The following GRIA1 variants were observed in gnomAD, a reference collection of about 807,000 sequenced individuals.
GRIA1 encodes glutamate ionotropic receptor AMPA type subunit 1, also known as glutamate receptor 1.
Under a neutral mutation model 99.2 loss-of-function variants are expected in GRIA1, and 31 were observed. The observed-to-expected ratio is 0.31, with a 90% CI of 0.23 to 0.42. GRIA1 has a LOEUF of 0.42. GRIA1 is among the 10% of genes least tolerant of loss of function. The probability of loss-of-function intolerance (pLI) is 1.00; values close to 1 mark genes in which losing one functional copy is unlikely to be tolerated. For missense variants in GRIA1, 782 were observed against 1,157.5 expected, an observed-to-expected ratio of 0.68 and a Z score of 4.71; for synonymous variants, 438 against 432.4, an observed-to-expected ratio of 1.01 and a Z score of -0.16.
At chr5:153,782,176 G>C (rs1307499310) in intron 13 of GRIA1, among the ~76,000 whole-genome samples, 1 of 152,166 alleles carries the variant, frequency 6.6e-6, no homozygotes, top group Non-Finnish European at 1.5e-5. Flanking sequence ...ACCCAATGAA[G>C]TAGGTACTAT....
intron 2 of GRIA1, among the ~76,000 whole-genome samples, chr5:153,606,843 A>C (rs1036483260): frequency 2.0e-5 from 3 of 151,496 alleles, no homozygotes; most frequent in African/African-American, 7.3e-5. Context: ...CAACTTGACC[A>C]TAATATCTCC....
chr5:153,543,195 T>TAATGGTGGCAATGTTGG (rs1759295113), intron 2 of GRIA1, among the ~76,000 whole-genome samples: 1 of 151,924 alleles, frequency 6.6e-6, no homozygotes, highest in Non-Finnish European at 1.5e-5. Context: ...TGAGTGGAGG[T>TAATGGTGGCAATGTTGG]AATGGTGGCA....
At chr5:153,742,522 G>C (rs1266207662) in intron 11 of GRIA1, among the ~76,000 whole-genome samples, 2 of 152,212 alleles carry the variant, frequency 1.3e-5, no homozygotes, top group Non-Finnish European at 2.9e-5. Context: ...TGTGAGCAGG[G>C]TGATATTTGT....
At chr5:153,545,003 T>A (rs1199277053) in intron 2 of GRIA1, among the ~76,000 whole-genome samples, 2 of 152,228 alleles carry the variant, frequency 1.3e-5, no homozygotes. Context: ...TTTAGCTTCC[T>A]CTTCTGTTAT....
chr5:153,525,656 T>A (rs1447069677), intron 2 of GRIA1: 1 of 152,202 alleles, frequency 6.6e-6, no homozygotes, highest in Non-Finnish European at 1.5e-5. Flanking sequence ...TCAGCTGGCT[T>A]ACTCTTAGTG....
intron 2 of GRIA1, among the ~76,000 whole-genome samples, chr5:153,507,747 C>CA (rs1248204168): frequency 6.6e-6 from 1 of 152,106 alleles, no homozygotes; most frequent in Admixed American, 6.5e-5. Flanking sequence ...CTTCTTGTCT[C>CA]AAAAAAATAT....
At chr5:153,724,915 C>T (rs1052663668) in intron 11 of GRIA1, among the ~76,000 whole-genome samples, 8 of 152,030 alleles carry the variant, frequency 5.3e-5, no homozygotes, top group Non-Finnish European at 1.0e-4. Context: ...AGATACTCCT[C>T]GAGAAGAGCA....
intron 12 of GRIA1, among the ~76,000 whole-genome samples, chr5:153,767,373 A>C (rs1440555207): frequency 6.6e-6 from 1 of 152,220 alleles, no homozygotes; most frequent in Non-Finnish European, 1.5e-5. Flanking sequence ...TGAGGGAGGC[A>C]GCTGGTTGCA....
intron 11 of GRIA1, among the ~76,000 whole-genome samples, chr5:153,713,695 G>A (rs781373444): frequency 7.2e-5 from 11 of 152,206 alleles, no homozygotes; most frequent in Non-Finnish European, 1.2e-4. Context: ...CAAGGGGGAA[G>A]CATAATTGCT....
chr5:153,563,222 A>C (rs1761307501), intron 2 of GRIA1, among the ~76,000 whole-genome samples: 1 of 151,172 alleles, frequency 6.6e-6, no homozygotes, highest in South Asian at 2.1e-4. Flanking sequence ...TTTTCTTCCT[A>C]AAAGTGGAGC....
At chr5:153,704,196 C>G (rs1758726604) in intron 10 of GRIA1, among the ~76,000 whole-genome samples, 1 of 152,264 alleles carries the variant, frequency 6.6e-6, no homozygotes, top group South Asian at 2.1e-4. Context: ...CTCTAAGCAA[C>G]AGCCAACTGG....
At chr5:153,595,327 T>G (rs1371512490) in intron 2 of GRIA1, among the ~76,000 whole-genome samples, 1 of 152,218 alleles carries the variant, frequency 6.6e-6, no homozygotes, top group East Asian at 1.9e-4. Flanking sequence ...TGCTCCATTT[T>G]TCTCCCCTAT....
At position 153,735,039 on chromosome 5, in the gene GRIA1, C is replaced by G. The variant is rs116445147; in HGVS notation, c.1823+28972C>G. On this transcript the variant is annotated intron_variant, in intron 11 of 15. Transcript: ENST00000285900. Reference sequence around the variant, plus strand: ...GGGAGCTACTGGTGTCTAATGGGTACAGGCTAGTGATATTGTTAAACACCC... The same window carrying G: ...GGGAGCTACTGGTGTCTAATGGGTAGAGGCTAGTGATATTGTTAAACACCC... 8.5e-3 allele frequency among the ~76,000 whole-genome samples: 1,297 copies of G among 152,260 alleles called. 7 individuals carry two copies. The highest frequency in any genetic ancestry group is 0.014 in the South Asian group (67 of 4,826).
intron 2 of GRIA1, among the ~76,000 whole-genome samples, chr5:153,542,895 A>G (rs1000604914): frequency 6.6e-6 from 1 of 152,214 alleles, no homozygotes; most frequent in African/African-American, 2.4e-5. Flanking sequence ...TATGTGAGTA[A>G]AGTATAGTGA....
Position 153,492,275 on chromosome 5 carries a change from G to T in GRIA1, c.82+1305G>T, listed in dbSNP as rs539837953. 2.7e-5 allele frequency: 42 copies of T among 1,535,484 alleles called. No homozygotes were observed. The African/African-American group carries it at 5.5e-4, about 20-fold the overall frequency. Reference sequence around the variant, plus strand: ...GAGTGGCCATGGAGTAACTTGCTTTGTTTCCTGACACCTGTTAAGCTACAT... The same window carrying T: ...GAGTGGCCATGGAGTAACTTGCTTTTTTTCCTGACACCTGTTAAGCTACAT... On this transcript the variant is annotated intron_variant, in intron 1 of 15. Coordinates refer to ENST00000285900, the MANE Select transcript of GRIA1 (RefSeq NM_000827.4).
chr5:153,616,905 A>T (rs1766559884), intron 2 of GRIA1, among the ~76,000 whole-genome samples: 1 of 152,216 alleles, frequency 6.6e-6, no homozygotes, highest in South Asian at 2.1e-4. Flanking sequence ...TTAAGATGAT[A>T]AAAACTGGGT....
intron 13 of GRIA1, among the ~76,000 whole-genome samples, chr5:153,793,804 G>C (rs1765464728): frequency 6.6e-6 from 1 of 152,206 alleles, no homozygotes; most frequent in African/African-American, 2.4e-5. Context: ...TGACTTATTG[G>C]AGCAGGTGTC....
intron 2 of GRIA1, among the ~76,000 whole-genome samples, chr5:153,634,082 C>T (rs1182018620): frequency 3.9e-5 from 6 of 151,920 alleles, no homozygotes; most frequent in East Asian, 1.9e-4. Context: ...TTTGGGAGGC[C>T]GAGGCGGGTG....
chr5:153,777,731 G>A (rs1031350296), intron 13 of GRIA1, among the ~76,000 whole-genome samples: 1 of 151,968 alleles, frequency 6.6e-6, no homozygotes, highest in Non-Finnish European at 1.5e-5. Context: ...ATATCTCTGA[G>A]AACAATTTGT....
Sources: allele counts gnomAD v4.1 joint callset (sites outside exome capture counted in the v4.1 genomes callset), GRCh38; gene constraint gnomAD v4.1.1; transcripts MANE v1.5; gene names NCBI Gene and HGNC (gene_info 2026-07-23, HGNC 2026-07-21).